The following CLXN variants were observed in gnomAD, a reference collection of about 807,000 sequenced individuals.
CLXN encodes calaxin, also known as EF-hand calcium binding domain 1.
chr8:48,728,853 G>T, the CLXN span, among the ~76,000 whole-genome samples: 3 of 152,132 alleles, frequency 2.0e-5, no homozygotes, highest in East Asian at 3.9e-4. Context: ...GTTAATGAAT[G>T]AAACACAGCA....
At chr8:48,725,301 C>T in the CLXN span, among the ~76,000 whole-genome samples, 1 of 152,106 alleles carries the variant, frequency 6.6e-6, no homozygotes, top group Non-Finnish European at 1.5e-5. Context: ...CTTGCAATAG[C>T]AGATTCAGGG....
At chr8:48,728,677 T>C in the CLXN span, among the ~76,000 whole-genome samples, 1 of 152,358 alleles carries the variant, frequency 6.6e-6, no homozygotes, top group Non-Finnish European at 1.5e-5. Context: ...TTGCCTGGCA[T>C]TGATGAAGAA....
chr8:48,712,024 T>G, the CLXN span, among the ~76,000 whole-genome samples: 1 of 152,208 alleles, frequency 6.6e-6, no homozygotes, highest in East Asian at 1.9e-4. Flanking sequence ...AAAATTTAAT[T>G]TATTCCATTT....
chr8:48,714,457 A>G, the CLXN span, among the ~76,000 whole-genome samples: 1 of 152,326 alleles, frequency 6.6e-6, no homozygotes, highest in Admixed American at 6.5e-5. Flanking sequence ...CGATCATCTT[A>G]AGCTGGATTA....
At chr8:48,734,999 G>A in the CLXN span, 1 of 1,432,974 alleles carries the variant, frequency 7.0e-7, no homozygotes, top group Non-Finnish European at 9.7e-7. Flanking sequence ...AGTCCCAGCA[G>A]GCGGGAAGCA....
At chr8:48,731,335 G>C in the CLXN span, 1 of 1,576,512 alleles carries the variant, frequency 6.3e-7, no homozygotes, top group East Asian at 2.3e-5. Flanking sequence ...TTTGAATCTT[G>C]TGTGTCTCTT....
At chr8:48,724,930 T>A in the CLXN span, 2 of 614,390 alleles carry the variant, frequency 3.3e-6, no homozygotes, top group Non-Finnish European at 2.7e-6. Context: ...ACTTCTGGTG[T>A]TCAAGCGTTT....
At chr8:48,733,118 T>TAC in the CLXN span, among the ~76,000 whole-genome samples, 10 of 151,366 alleles carry the variant, frequency 6.6e-5, no homozygotes, top group Non-Finnish European at 1.0e-4. Context: ...TGTAACCACA[T>TAC]ACACACACAC....
the CLXN span, among the ~76,000 whole-genome samples, chr8:48,713,351 C>T: frequency 6.6e-6 from 1 of 152,152 alleles, no homozygotes; most frequent in Non-Finnish European, 1.5e-5. Context: ...CTTGGTTGCA[C>T]TTGATGAGAA....
chr8:48,722,793 G>A, the CLXN span, among the ~76,000 whole-genome samples: 1 of 151,630 alleles, frequency 6.6e-6, no homozygotes, highest in Non-Finnish European at 1.5e-5. Flanking sequence ...GACACACAAT[G>A]AAATATCATT....
chr8:48,723,245 G>T, the CLXN span, among the ~76,000 whole-genome samples: 1 of 152,284 alleles, frequency 6.6e-6, no homozygotes, highest in South Asian at 2.1e-4. Context: ...ACATCAAGTT[G>T]TATACCTTAA....
At chr8:48,731,374 A>T in the CLXN span, 2 of 1,612,630 alleles carry the variant, frequency 1.2e-6, no homozygotes, top group Non-Finnish European at 8.5e-7. Context: ...GTCATCTGTC[A>T]TTCCAAATGT....
chr8:48,713,346 T>C, the CLXN span, among the ~76,000 whole-genome samples: 1 of 152,148 alleles, frequency 6.6e-6, no homozygotes, highest in Non-Finnish European at 1.5e-5. Flanking sequence ...CCTCCCTTGG[T>C]TGCACTTGAT....
At chr8:48,722,578 G>C in the CLXN span, among the ~76,000 whole-genome samples, 1 of 152,236 alleles carries the variant, frequency 6.6e-6, no homozygotes, top group South Asian at 2.1e-4. Flanking sequence ...ATGTATATGT[G>C]TGTGTGTATA....
chr8:48,728,760 G>A, the CLXN span, among the ~76,000 whole-genome samples: 2 of 152,160 alleles, frequency 1.3e-5, no homozygotes, highest in South Asian at 4.1e-4. Flanking sequence ...TGGAAAATAT[G>A]AGCCCTTGAG....
the CLXN span, among the ~76,000 whole-genome samples, chr8:48,719,436 G>C: frequency 6.6e-6 from 1 of 152,050 alleles, no homozygotes; most frequent in Non-Finnish European, 1.5e-5. Flanking sequence ...CTTGAGGCCA[G>C]TATCAACTTG....
the CLXN span, among the ~76,000 whole-genome samples, chr8:48,714,518 T>A: frequency 6.6e-6 from 1 of 152,206 alleles, no homozygotes; most frequent in Non-Finnish European, 1.5e-5. Flanking sequence ...TTAAATAATG[T>A]CAAGTAATAA....
the CLXN span, among the ~76,000 whole-genome samples, chr8:48,717,373 T>C: frequency 1.1e-4 from 16 of 152,058 alleles, no homozygotes; most frequent in South Asian, 2.7e-3. Context: ...AAGAGTGAGA[T>C]AACAAAATCA....
chr8:48,720,956 A>C, the CLXN span, among the ~76,000 whole-genome samples: 1 of 152,188 alleles, frequency 6.6e-6, no homozygotes, highest in East Asian at 1.9e-4. Flanking sequence ...TATTGGGGGC[A>C]GGTTCCCCCA....
Sources: gnomAD v4.1 joint callset for allele counts (sites outside exome capture counted in the v4.1 genomes callset) on GRCh38, gnomAD v4.1.1 for gene constraint, MANE v1.5 for transcripts, NCBI Gene and HGNC (gene_info 2026-07-23, HGNC 2026-07-21) for gene names.